The following ADAP1 variants were observed in gnomAD, a reference collection of about 807,000 sequenced individuals.
ADAP1 encodes arf-GAP with dual PH domain-containing protein 1.
A neutral mutation model predicts 54.9 loss-of-function variants in ADAP1; 31 were observed. That is an observed-to-expected ratio of 0.56 (90% CI 0.42 to 0.76). The LOEUF is 0.76. Among genes scored for constraint, ADAP1 ranks in the 30% least tolerant of loss-of-function variants. ADAP1 has a pLI of 0.00. For synonymous variants in ADAP1, 313 were observed against 202.6 expected (o/e 1.55, Z -4.63); for missense variants, 535 against 512.4 (o/e 1.04, Z -0.42).
intron 3 of ADAP1, among the ~76,000 whole-genome samples, chr7:921,725 G>A (rs999573665): frequency 1.3e-5 from 2 of 152,212 alleles, no homozygotes; most frequent in South Asian, 4.1e-4. Context: ...TGACCACGGA[G>A]GAGTTGCCCC....
intron 4 of ADAP1, among the ~76,000 whole-genome samples, chr7:918,836 G>A (rs915055031): frequency 8.6e-5 from 13 of 150,704 alleles, no homozygotes; most frequent in Non-Finnish European, 1.6e-4. Flanking sequence ...GAGCAGACAG[G>A]AGGAGGAAGC....
Position 898,755 on chromosome 7 carries a change from G to T in ADAP1, c.*166C>A. On this transcript the variant is annotated 3_prime_UTR_variant, in exon 11 of 11. Transcript: ENST00000265846. Reference sequence around the variant, plus strand: ...CTGGGCTGCCTGCCTTGAGGTTCCAGAGAAGCATCCTGGAAGCTGAAGCTC... The same window carrying T: ...CTGGGCTGCCTGCCTTGAGGTTCCATAGAAGCATCCTGGAAGCTGAAGCTC... 1.1e-6 allele frequency: 1 copy of T among 871,614 alleles called. No individual in the cohort carries two copies. The highest frequency in any genetic ancestry group is 1.8e-6 in the Non-Finnish European group (1 of 563,622). The allele number at this position is 871,614 out of a possible 1,614,324, so 54.0% of individuals were successfully genotyped here. A position where few individuals can be genotyped will look rare whatever the true frequency, so the allele number is the denominator to read the frequency against.
At position 920,478 on chromosome 7, in the gene ADAP1, C is replaced by T. The variant is rs548164501; in HGVS notation, c.306-428G>A. The stretch of plus-strand genomic sequence containing the variant: ...CGTTGGACCGGATCTGGGAAGTGGC[C>T]GCGGCGCCGCCCTCCACCCACCGTG... On this transcript the variant is annotated intron_variant, in intron 3 of 10. Transcript: ENST00000265846. The surrounding 1 kb of genome is among the most constrained non-coding windows in gnomAD (Gnocchi z 4.5). Among the ~76,000 whole-genome samples, 7 of 151,626 alleles carry T rather than the reference C, an allele frequency of 4.6e-5. No homozygotes were observed. Among genetic ancestry groups the T allele is most frequent in the Non-Finnish European group, 8.8e-5 (6 of 67,830 alleles).
At chr7:950,673 A>T (rs1490944591) in intron 1 of ADAP1, among the ~76,000 whole-genome samples, 1 of 151,522 alleles carries the variant, frequency 6.6e-6, no homozygotes, top group Non-Finnish European at 1.5e-5. Context: ...CCTGGCCAAC[A>T]TGGCGAAACC....
At position 904,015 on chromosome 7, in the gene ADAP1, G is replaced by C. The variant is rs989195635; in HGVS notation, c.648+111C>G. Reference sequence around the variant, plus strand: ...ACTTCCCGCCTTCTCATGCCGCCTAGCTCAAGTGCCTACCCTCCCGTACCG... The same window carrying C: ...ACTTCCCGCCTTCTCATGCCGCCTACCTCAAGTGCCTACCCTCCCGTACCG... On this transcript the variant is annotated intron_variant, in intron 6 of 10. Transcript: ENST00000265846. The C allele has an allele frequency of 7.0e-6, 10 of 1,428,262 alleles. No individual in the cohort carries two copies. The African/African-American group carries it at 1.5e-4, about 21-fold the overall frequency. 88.5% of individuals were successfully genotyped at this position (1,428,262 alleles called of 1,614,324 possible).
intron 4 of ADAP1, among the ~76,000 whole-genome samples, chr7:916,943 G>A (rs889192861): frequency 6.7e-6 from 1 of 150,162 alleles, no homozygotes; most frequent in Admixed American, 6.7e-5. Flanking sequence ...TGCACGGGAG[G>A]GGGGCGCAGT....
At chr7:904,387 G>A in intron 5 of ADAP1, 115 bp from the exon 6 acceptor site, 3 of 1,374,398 alleles carry the variant, frequency 2.2e-6, no homozygotes, top group Non-Finnish European at 2.9e-6. Flanking sequence ...TGTGGCTTTG[G>A]GCAAGTTACT....
chr7:910,138 C>T (rs553054268), intron 4 of ADAP1, among the ~76,000 whole-genome samples: 2 of 152,344 alleles, frequency 1.3e-5, no homozygotes, highest in East Asian at 1.9e-4. Context: ...ATGTAAGGTG[C>T]CCCAGTCCCT....
chr7:914,691 T>G (rs1412473665), intron 4 of ADAP1, among the ~76,000 whole-genome samples: 1 of 152,050 alleles, frequency 6.6e-6, no homozygotes, highest in Non-Finnish European at 1.5e-5. Context: ...GCTAGGTCTG[T>G]GGGAGAGGTG....
At chr7:943,483 A>T (rs1195044330) in intron 1 of ADAP1, among the ~76,000 whole-genome samples, 13 of 880 alleles carry the variant, frequency 0.015, 1 homozygote, top group South Asian at 0.2. Context: ...AGGAAGGGAG[A>T]GAGGAGGAAG....
chr7:900,864 A>AGAAGGGCCGAAGGGCCGAAGGGCC (rs71020534), intron 6 of ADAP1: 66 of 602,606 alleles, frequency 1.1e-4, no homozygotes, highest in Non-Finnish European at 1.8e-4. Flanking sequence ...CGAAGTCCTG[A>AGAAGGGCCGAAGGGCCGAAGGGCC]GAAGGGCCGA....
At chr7:915,804 C>T (rs1845910063) in intron 4 of ADAP1, among the ~76,000 whole-genome samples, 2 of 152,152 alleles carry the variant, frequency 1.3e-5, no homozygotes, top group Admixed American at 1.3e-4. Flanking sequence ...CCCTGCAGAA[C>T]CTACGCCCAC....
At chr7:906,506 A>AAAGG (rs1562914460) in intron 4 of ADAP1, among the ~76,000 whole-genome samples, 1 of 1,778 alleles carries the variant, frequency 5.6e-4, no homozygotes, top group Non-Finnish European at 1.0e-3. Context: ...GGAGAAAGGG[A>AAAGG]GAAAGGAGAA....
intron 4 of ADAP1, among the ~76,000 whole-genome samples, chr7:918,117 G>C (rs748540207): frequency 2.6e-5 from 4 of 152,116 alleles, no homozygotes; most frequent in African/African-American, 9.7e-5. Flanking sequence ...TAGTAGAGAC[G>C]GGGTTTCACC....
At chr7:919,820 T>G (rs1284453724) in intron 4 of ADAP1, 148 bp downstream of exon 4, 743 of 60,024 alleles carry the variant, frequency 0.012, no homozygotes, top group South Asian at 0.049. Context: ...GGGAGGGAGA[T>G]GGGGGAGGGA....
intron 2 of ADAP1, among the ~76,000 whole-genome samples, chr7:934,619 C>T (rs1346539365): frequency 6.6e-6 from 1 of 152,134 alleles, no homozygotes. Context: ...CCCCACGCTC[C>T]ATCCGACCTG....
At chr7:935,626 C>G in intron 1 of ADAP1, 121 bp from the exon 2 acceptor site, 2 of 1,308,444 alleles carry the variant, frequency 1.5e-6, no homozygotes, top group African/African-American at 1.5e-5. Flanking sequence ...CGGAGACCCC[C>G]GGGTACACCA....
intron 1 of ADAP1, among the ~76,000 whole-genome samples, chr7:944,879 T>C (rs976362479): frequency 7.9e-5 from 12 of 152,070 alleles, no homozygotes; most frequent in African/African-American, 2.9e-4. Context: ...TAAAGAAAGA[T>C]TCAGACCCTG....
At chr7:908,769 C>T (rs893667893) in intron 4 of ADAP1, among the ~76,000 whole-genome samples, 8 of 152,244 alleles carry the variant, frequency 5.3e-5, no homozygotes, top group African/African-American at 1.4e-4. Context: ...CGGCGCTTCC[C>T]GGCCTCTGCC....
Sources: allele counts gnomAD v4.1 joint callset (sites outside exome capture counted in the v4.1 genomes callset), GRCh38; gene constraint gnomAD v4.1.1; non-coding constraint Gnocchi (gnomAD v3.1); transcripts MANE v1.5; gene names NCBI Gene and HGNC (gene_info 2026-07-23, HGNC 2026-07-21).